PDE4D: variants seen among roughly 807,000 people sequenced by gnomAD.
The protein encoded by PDE4D is 3',5'-cyclic-AMP phosphodiesterase 4D.
In PDE4D, 24 loss-of-function variants were observed where a neutral mutation model predicts 87.4. The observed-to-expected ratio is 0.27, with a 90% CI of 0.20 to 0.39. The LOEUF is 0.39. PDE4D is among the 10% of genes least tolerant of loss of function. The probability of loss-of-function intolerance (pLI) is 1.00; values close to 1 mark genes in which losing one functional copy is unlikely to be tolerated. For synonymous variants in PDE4D, 384 were observed against 383.2 expected (o/e 1.00, Z -0.02); for missense variants, 714 against 1,041.0 (o/e 0.69, Z 4.32).
At chr5:59,322,245 T>G (rs1171080479) in intron 1 of PDE4D, among the ~76,000 whole-genome samples, 1 of 152,142 alleles carries the variant, frequency 6.6e-6, no homozygotes, top group Non-Finnish European at 1.5e-5. Flanking sequence ...TTCAATCATT[T>G]TTTATTGCTT....
chr5:59,608,688 C>T (rs987989910), intron 1 of PDE4D, among the ~76,000 whole-genome samples: 1 of 152,108 alleles, frequency 6.6e-6, no homozygotes, highest in African/African-American at 2.4e-5. Flanking sequence ...AAGTAGCCTT[C>T]TTGAATGAGA....
At chr5:60,118,703 T>A (rs1438853551) in intron 2 of PDE4D, among the ~76,000 whole-genome samples, 2 of 151,984 alleles carry the variant, frequency 1.3e-5, no homozygotes, top group Non-Finnish European at 2.9e-5. Flanking sequence ...TTTTGACCAT[T>A]TTTGCCTGAC....
chr5:59,954,103 T>G, intron 3 of PDE4D, among the ~76,000 whole-genome samples: 1 of 53,544 alleles, frequency 1.9e-5, no homozygotes, highest in South Asian at 5.7e-4. Flanking sequence ...TTTTTGTATT[T>G]TAGGAGAGAC....
chr5:59,719,172 G>A (rs1755465446), intron 1 of PDE4D, among the ~76,000 whole-genome samples: 1 of 151,898 alleles, frequency 6.6e-6, no homozygotes, highest in Non-Finnish European at 1.5e-5. Flanking sequence ...TGAGCCATTG[G>A]TATGCTGGTA....
At chr5:60,432,632 G>A (rs1371097695) in intron 1 of PDE4D, among the ~76,000 whole-genome samples, 1 of 152,050 alleles carries the variant, frequency 6.6e-6, no homozygotes, top group African/African-American at 2.4e-5. Flanking sequence ...GCAATTCTAA[G>A]CAAAAAAGAA....
At chr5:60,339,179 T>G (rs563464884) in intron 1 of PDE4D, among the ~76,000 whole-genome samples, 1 of 152,236 alleles carries the variant, frequency 6.6e-6, no homozygotes, top group South Asian at 2.1e-4. Context: ...CAGCATATAA[T>G]TTTTGTTTTT....
intron 5 of PDE4D, among the ~76,000 whole-genome samples, chr5:59,041,008 A>T (rs1759587357): frequency 6.6e-6 from 1 of 152,150 alleles, no homozygotes; most frequent in Non-Finnish European, 1.5e-5. Flanking sequence ...TTTACTGTTC[A>T]CTTTGAGTAC....
At chr5:59,646,033 AT>A (rs1380189294) in intron 1 of PDE4D, among the ~76,000 whole-genome samples, 3 of 152,234 alleles carry the variant, frequency 2.0e-5, no homozygotes, top group Non-Finnish European at 2.9e-5. Context: ...AGCCAAAAAA[AT>A]CATAGAAATG....
chr5:59,777,731 G>A (rs532243684), intron 1 of PDE4D, among the ~76,000 whole-genome samples: 1 of 152,142 alleles, frequency 6.6e-6, no homozygotes, highest in African/African-American at 2.4e-5. Context: ...AGGCATTTGT[G>A]TAATGTTTAA....
chr5:59,768,573 C>A, intron 1 of PDE4D: 1 of 1,581,410 alleles, frequency 6.3e-7, no homozygotes, highest in South Asian at 1.1e-5. Flanking sequence ...CGCTCACGGT[C>A]CCGGAAATGT....
chr5:60,069,250 T>C (rs1772451044), intron 2 of PDE4D, among the ~76,000 whole-genome samples: 1 of 152,184 alleles, frequency 6.6e-6, no homozygotes, highest in Non-Finnish European at 1.5e-5. Context: ...GACGGGGACT[T>C]ACAGAGATGA....
intron 3 of PDE4D, among the ~76,000 whole-genome samples, chr5:59,189,257 T>TTTG (rs1554092807): frequency 2.1e-5 from 3 of 143,700 alleles, no homozygotes; most frequent in Non-Finnish European, 3.0e-5. Context: ...TTTTTTGTTT[T>TTTG]TTTTTTTTTG....
intron 1 of PDE4D, among the ~76,000 whole-genome samples, chr5:60,380,711 G>A (rs1231258398): frequency 6.6e-6 from 1 of 152,178 alleles, no homozygotes; most frequent in Admixed American, 6.5e-5. Flanking sequence ...GCACCTTGAA[G>A]GTGAACACAA....
chr5:59,904,085 T>TTGCTGC, intron 3 of PDE4D, among the ~76,000 whole-genome samples: 1 of 152,280 alleles, frequency 6.6e-6, no homozygotes, highest in African/African-American at 2.4e-5. Context: ...ACTCAAGAAT[T>TTGCTGC]TGCTGCTGCT....
chr5:59,972,231 A>C (rs1393908068), intron 3 of PDE4D, among the ~76,000 whole-genome samples: 2 of 152,280 alleles, frequency 1.3e-5, no homozygotes, highest in Non-Finnish European at 2.9e-5. Flanking sequence ...CTACTCCCCT[A>C]GTGGAAGGCT....
intron 2 of PDE4D, among the ~76,000 whole-genome samples, chr5:59,197,575 T>C (rs542887747): frequency 3.3e-5 from 5 of 152,198 alleles, no homozygotes; most frequent in Admixed American, 1.3e-4. Context: ...AACTCAATAT[T>C]AAAACAGATC....
chr5:59,627,149 G>T (rs1176868203), intron 1 of PDE4D, among the ~76,000 whole-genome samples: 1 of 152,142 alleles, frequency 6.6e-6, no homozygotes, highest in African/African-American at 2.4e-5. Context: ...CCTTCCAGTA[G>T]CATTTTTAGT....
chr5:59,504,933 TGTGTGTGC>T (rs1055970013), intron 1 of PDE4D, among the ~76,000 whole-genome samples: 3 of 127,282 alleles, frequency 2.4e-5, no homozygotes, highest in African/African-American at 2.7e-5. Flanking sequence ...TGTGTGTGTG[TGTGTGTGC>T]GTGCGCGTGT....
chr5:59,354,869 G>A (rs1432758502), intron 1 of PDE4D, among the ~76,000 whole-genome samples: 1 of 152,210 alleles, frequency 6.6e-6, no homozygotes, highest in Non-Finnish European at 1.5e-5. Context: ...ACCTCAAAGA[G>A]TTTGCAGTGC....
Sources: allele counts gnomAD v4.1 joint callset (sites outside exome capture counted in the v4.1 genomes callset), GRCh38; gene constraint gnomAD v4.1.1; transcripts MANE v1.5; gene names NCBI Gene and HGNC (gene_info 2026-07-23, HGNC 2026-07-21).